The following ROBO2 variants were observed in gnomAD, a reference collection of about 807,000 sequenced individuals.
ROBO2 encodes the protein roundabout guidance receptor 2.
ROBO2 carries 53 observed loss-of-function variants against 160.8 expected under a neutral mutation model. That is an observed-to-expected ratio of 0.33 (90% confidence interval 0.26 to 0.41). The LOEUF is 0.41. ROBO2 is among the 10% of genes least tolerant of loss of function. The pLI, the probability that ROBO2 is intolerant of heterozygous loss-of-function variation, is 1.00. For synonymous variants in ROBO2, 664 were observed against 611.7 expected (o/e 1.09, Z -1.26); for missense variants, 1,577 against 1,722.4 (o/e 0.92, Z 1.49).
chr3:76,943,331 C>G (rs953842499), intron 2 of ROBO2, among the ~76,000 whole-genome samples: 1 of 151,962 alleles, frequency 6.6e-6, no homozygotes, highest in Non-Finnish European at 1.5e-5. Context: ...TAGTTGTGTC[C>G]CCAGACCTGG....
chr3:76,267,372 C>T (rs1576176137), intron 2 of ROBO2, among the ~76,000 whole-genome samples: 1 of 151,716 alleles, frequency 6.6e-6, no homozygotes, highest in East Asian at 1.9e-4. Context: ...CCATCACTAA[C>T]TCATTTGGGC....
At chr3:76,224,858 A>G (rs1208315750) in intron 2 of ROBO2, among the ~76,000 whole-genome samples, 4 of 152,176 alleles carry the variant, frequency 2.6e-5, no homozygotes, top group East Asian at 1.9e-4. Flanking sequence ...CACGAGGTCT[A>G]TAATTAATGC....
intron 2 of ROBO2, among the ~76,000 whole-genome samples, chr3:77,469,479 T>C (rs887347971): frequency 1.7e-4 from 26 of 152,136 alleles, no homozygotes; most frequent in Non-Finnish European, 2.5e-4. Flanking sequence ...GTGGTGGTGG[T>C]GGCAGTGGTG....
chr3:77,317,344 C>T, intron 2 of ROBO2: 2 of 814,116 alleles, frequency 2.5e-6, no homozygotes, highest in Admixed American at 1.9e-5. Context: ...GCAAGCTGAC[C>T]GTCCACGCTC....
chr3:76,418,333 T>G (rs1251364898), intron 2 of ROBO2, among the ~76,000 whole-genome samples: 1 of 152,008 alleles, frequency 6.6e-6, no homozygotes, highest in Non-Finnish European at 1.5e-5. Flanking sequence ...AACCTCATCC[T>G]GGGTTCAAGC....
chr3:76,538,780 C>T (rs1000558134), intron 2 of ROBO2, among the ~76,000 whole-genome samples: 2 of 152,140 alleles, frequency 1.3e-5, no homozygotes, highest in African/African-American at 4.8e-5. Context: ...CTTTTGTTCC[C>T]ACCTTTCTTT....
At chr3:76,349,701 A>C (rs1043027646) in intron 2 of ROBO2, among the ~76,000 whole-genome samples, 2 of 152,132 alleles carry the variant, frequency 1.3e-5, no homozygotes, top group Non-Finnish European at 2.9e-5. Flanking sequence ...GGCAGAAGGC[A>C]TGAGACTCTT....
chr3:76,693,467 TA>T (rs2092857676), intron 2 of ROBO2, among the ~76,000 whole-genome samples: 1 of 125,450 alleles, frequency 8.0e-6, no homozygotes, highest in African/African-American at 3.5e-5. Context: ...TACACATATA[TA>T]TGTATTGTGT....
intron 2 of ROBO2, among the ~76,000 whole-genome samples, chr3:76,799,524 A>G (rs1355491137): frequency 1.3e-5 from 2 of 152,038 alleles, no homozygotes; most frequent in Non-Finnish European, 2.9e-5. Flanking sequence ...AACCCAGTAA[A>G]GTGGCAGGAT....
intron 2 of ROBO2, among the ~76,000 whole-genome samples, chr3:76,522,869 C>A (rs1480354669): frequency 6.6e-6 from 1 of 151,568 alleles, no homozygotes; most frequent in Non-Finnish European, 1.5e-5. Context: ...AGGTCATATC[C>A]CCCTCATTTC....
intron 2 of ROBO2, among the ~76,000 whole-genome samples, chr3:76,071,136 T>A (rs1232325472): frequency 6.6e-6 from 1 of 152,210 alleles, no homozygotes; most frequent in Non-Finnish European, 1.5e-5. Context: ...ATTATCCAGA[T>A]GAATGATTTA....
rs540810243 is a variant in ROBO2, at chr3:77,647,945, G to A, written c.*1890G>A. 37 of 152,228 alleles carry A rather than the reference G, an allele frequency of 2.4e-4. No individual in the cohort carries two copies. Among genetic ancestry groups the A allele is most frequent in the Non-Finnish European group, 4.1e-4 (28 of 68,008 alleles). 9.4% of individuals were successfully genotyped at this position (152,228 alleles called of 1,614,324 possible). A position where few individuals can be genotyped will look rare whatever the true frequency, so the allele number is the denominator to read the frequency against. ...TATTCCCTGAGACTGCATCAGCACA[G>A]GCAAGTATAGAATGTAATGTTCTTC... On this transcript the variant is annotated 3_prime_UTR_variant, in exon 26 of 26. Transcript: ENST00000461745.
chr3:76,965,515 C>T (rs149826481), intron 2 of ROBO2, among the ~76,000 whole-genome samples: 114 of 152,198 alleles, frequency 7.5e-4, no homozygotes, highest in African/African-American at 2.6e-3. Flanking sequence ...AGGGAAATTG[C>T]GTGTACCTAT....
intron 5 of ROBO2, among the ~76,000 whole-genome samples, chr3:77,506,338 A>G (rs566612664): frequency 1.5e-4 from 23 of 152,292 alleles, no homozygotes; most frequent in African/African-American, 5.1e-4. Context: ...ACTTGGAACA[A>G]CTTTCTAAGA....
At chr3:76,595,281 A>G (rs2086668401) in intron 2 of ROBO2, among the ~76,000 whole-genome samples, 1 of 152,034 alleles carries the variant, frequency 6.6e-6, no homozygotes, top group Non-Finnish European at 1.5e-5. Context: ...AAATATATAT[A>G]TACATAGAAC....
In ROBO2 at chr3:76,393,579, G is replaced by C. The variant is rs114223375; in HGVS notation, c.109+455977G>C. 4.9e-3 allele frequency among the ~76,000 whole-genome samples: 753 copies of C among 152,220 alleles called. 3 individuals are homozygous for C. The highest frequency in any genetic ancestry group is 0.017 in the African/African-American group (710 of 41,552). ...TTTATTAGAAGTAAAACTCTGTAAA[G>C]TAAAAGATGTTTGTCCCTGTTTTGA... is the stretch of plus-strand genomic sequence containing the variant. On this transcript the variant is annotated intron_variant, in intron 2 of 26. Coordinates refer to the ROBO2 transcript ENST00000487694.
chr3:76,981,202 C>T (rs1457932859), intron 2 of ROBO2, among the ~76,000 whole-genome samples: 1 of 152,078 alleles, frequency 6.6e-6, no homozygotes, highest in African/African-American at 2.4e-5. Flanking sequence ...CGTGTATATA[C>T]CTGAAGAGGA....
At chr3:76,848,649 G>A (rs1483049855) in intron 2 of ROBO2, among the ~76,000 whole-genome samples, 1 of 152,200 alleles carries the variant, frequency 6.6e-6, no homozygotes, top group Non-Finnish European at 1.5e-5. Context: ...CCTGTGTCTT[G>A]TGAGGACCCA....
intron 2 of ROBO2, among the ~76,000 whole-genome samples, chr3:76,154,621 G>C (rs187364015): frequency 2.0e-5 from 3 of 152,066 alleles, no homozygotes; most frequent in African/African-American, 7.2e-5. Flanking sequence ...TGAGATTTGA[G>C]TATATTTGAT....
Sources: allele counts gnomAD v4.1 joint callset (sites outside exome capture counted in the v4.1 genomes callset), GRCh38; gene constraint gnomAD v4.1.1; transcripts MANE v1.5; gene names NCBI Gene and HGNC (gene_info 2026-07-23, HGNC 2026-07-21).